The following SOS2 variants were observed in gnomAD, a reference collection of about 807,000 sequenced individuals.
SOS2 encodes the protein son of sevenless homolog 2.
A neutral mutation model predicts 148.2 loss-of-function variants in SOS2; 65 were observed. That is an observed-to-expected ratio of 0.44 (90% CI 0.36 to 0.54). The LOEUF (loss-of-function observed/expected upper bound fraction) is 0.54, where lower values mean the gene tolerates loss of function less well. Among genes scored for constraint, SOS2 ranks in the 20% least tolerant of loss-of-function variants. The pLI is 0.00. For missense variants in SOS2, 1,341 were observed against 1,590.2 expected (o/e 0.84, Z 2.67); for synonymous variants, 539 against 537.1 (o/e 1.00, Z -0.05).
chr14:50,184,680 A>G (rs1885850503), intron 5 of SOS2, among the ~76,000 whole-genome samples: 1 of 152,048 alleles, frequency 6.6e-6, no homozygotes, highest in Non-Finnish European at 1.5e-5. Context: ...CCTGGGAAAC[A>G]TGGCAAAACC....
Position 50,204,414 on chromosome 14 carries a change from A to AG in SOS2, c.88-6_88-5insC, listed in dbSNP as rs757394221. On this transcript the variant is annotated splice_region_variant and splice_polypyrimidine_tract_variant and intron_variant, in intron 1 of 22. Transcript: ENST00000216373. ...GGGATGCACTTGTTCCTGAACCTTT[A>AG]AAAAAAAGTTATCAGTTAAAGTAAT... 2.6e-6 allele frequency: 4 copies of AG among 1,536,408 alleles called. No individual in the cohort carries two copies. The highest frequency in any genetic ancestry group is 2.0e-5 in the Admixed American group (1 of 49,930).
intron 1 of SOS2, among the ~76,000 whole-genome samples, chr14:50,226,974 A>G (rs991645775): frequency 6.6e-6 from 1 of 152,134 alleles, no homozygotes; most frequent in Admixed American, 6.6e-5. Context: ...AGCTTCAATG[A>G]TCTTGGGGAG....
At position 50,127,378 on chromosome 14, in the gene SOS2, G is replaced by A. The variant is rs144785572; in HGVS notation, c.3379+2583C>T. Among the ~76,000 whole-genome samples, 878 of 152,246 alleles carry A rather than the reference G, an allele frequency of 5.8e-3. 11 individuals are homozygous for A. The highest frequency in any genetic ancestry group is 0.019 in the African/African-American group (787 of 41,526). On this transcript the variant is annotated intron_variant, in intron 21 of 22. Coordinates refer to ENST00000216373, the MANE Select transcript of SOS2 (RefSeq NM_006939.4). ...TCTGGTCTCAAACTCCTGACCTCAG[G>A]TGATCTGTCTGCCTCGGTCTCCCAA...
intron 4 of SOS2, among the ~76,000 whole-genome samples, chr14:50,199,060 G>A (rs1033754125): frequency 6.6e-6 from 1 of 152,192 alleles, no homozygotes; most frequent in African/African-American, 2.4e-5. Flanking sequence ...GGCTGAGATA[G>A]GAGGATCGCT....
chr14:50,200,865 C>A, intron 3 of SOS2, 88 bp downstream of exon 3: 1 of 1,250,470 alleles, frequency 8.0e-7, no homozygotes, highest in South Asian at 1.3e-5. Context: ...TAACACAGAC[C>A]ATGCTACATT....
In SOS2 at chr14:50,150,159, C is replaced by T. The variant is rs2139595351; in HGVS notation, c.2233G>A (p.Gly745Arg). 2.5e-6 allele frequency: 4 copies of T among 1,613,342 alleles called. No homozygotes were observed. Among genetic ancestry groups the T allele is most frequent in the Admixed American group, 3.3e-5 (2 of 60,018 alleles). ...TCAAAGGTAATATTATGGCTTACTC[C>T]GTTTGCCTGAGCTTGCTTCTTCCTC... ...IRRKKQAQANGVSHNITFESP... is the reference protein window; with the variant it reads ...IRRKKQAQANRVSHNITFESP... The change falls in exon 14 of 23, where the codon GGA becomes AGA. Residue 745 changes from glycine (G) to arginine (R), a missense_variant. Coordinates refer to ENST00000216373, the MANE Select transcript of SOS2 (RefSeq NM_006939.4).
chr14:50,192,459 T>C (rs926678514), intron 4 of SOS2, among the ~76,000 whole-genome samples: 3 of 149,204 alleles, frequency 2.0e-5, no homozygotes, highest in African/African-American at 5.0e-5. Context: ...AGGAGGCTGA[T>C]GTGGGAGAAT....
chr14:50,229,503 GAAA>G (rs5808545), intron 1 of SOS2, among the ~76,000 whole-genome samples: 3 of 139,468 alleles, frequency 2.2e-5, no homozygotes, highest in Non-Finnish European at 4.6e-5. Flanking sequence ...AGCCTAACTT[GAAA>G]AAAAAAAAAA....
rs1477987016 is a variant in SOS2, at chr14:50,224,897, A to AAAAAAAAG, written c.87+6299_87+6300insCTTTTTTT. ...CAAAACCCTGTCAAAAAAAAAAAAA[A>AAAAAAAAG]AGAGAGAGAGAGAGAAATAGTGTTT... On this transcript the variant is annotated intron_variant, in intron 1 of 22. Coordinates refer to ENST00000216373, the MANE Select transcript of SOS2 (RefSeq NM_006939.4). Among the ~76,000 whole-genome samples, 232 of 150,828 alleles carry AAAAAAAAG rather than the reference A, an allele frequency of 1.5e-3. 2 individuals carry two copies. Among genetic ancestry groups the AAAAAAAAG allele is most frequent in the African/African-American group, 2.6e-3 (108 of 41,120 alleles).
intron 1 of SOS2, among the ~76,000 whole-genome samples, chr14:50,215,671 C>G (rs2139835298): frequency 6.6e-6 from 1 of 152,238 alleles, no homozygotes; most frequent in East Asian, 1.9e-4. Context: ...CACATGTATA[C>G]ATATGTAACT....
chr14:50,215,390 A>G (rs1172292898), intron 1 of SOS2: 2 of 1,282,396 alleles, frequency 1.6e-6, no homozygotes, highest in Non-Finnish European at 2.0e-6. Flanking sequence ...ATGCTGTAAC[A>G]GGACATCAAG....
At chr14:50,164,601 A>G (rs188992362) in intron 8 of SOS2, among the ~76,000 whole-genome samples, 418 of 151,984 alleles carry the variant, frequency 2.8e-3, no homozygotes, top group Admixed American at 5.8e-3. Flanking sequence ...ACTGCACTCC[A>G]GCCTGGGTGA....
intron 21 of SOS2, among the ~76,000 whole-genome samples, chr14:50,126,050 A>G (rs774797214): frequency 5.3e-5 from 8 of 152,216 alleles, no homozygotes; most frequent in African/African-American, 1.4e-4. Flanking sequence ...CCACAAGTCA[A>G]TAAGTGCCAT....
At chr14:50,138,808 TAAAG>T in intron 17 of SOS2, 24 bp from the exon 18 acceptor site, 1 of 753,254 alleles carries the variant, frequency 1.3e-6, no homozygotes, top group African/African-American at 1.8e-5. Context: ...AAAAAGAATT[TAAAG>T]AAAAGTTATT....
intron 22 of SOS2, among the ~76,000 whole-genome samples, chr14:50,119,595 G>C (rs184959567): frequency 3.3e-5 from 5 of 151,674 alleles, no homozygotes; most frequent in Non-Finnish European, 7.4e-5. Flanking sequence ...GCAATGGTGC[G>C]ATCTTGGCTC....
chr14:50,211,053 G>T (rs939424802), intron 1 of SOS2, among the ~76,000 whole-genome samples: 2 of 148,804 alleles, frequency 1.3e-5, no homozygotes, highest in Admixed American at 6.7e-5. Context: ...ATATATTCAG[G>T]ATAGATTTAC....
At chr14:50,134,925 T>G (rs947412050) in intron 18 of SOS2, among the ~76,000 whole-genome samples, 6 of 151,404 alleles carry the variant, frequency 4.0e-5, no homozygotes, top group Non-Finnish European at 5.9e-5. Flanking sequence ...AATACAAAAT[T>G]AGCTGGGCGT....
chr14:50,210,064 A>T (rs753617672), intron 1 of SOS2, among the ~76,000 whole-genome samples: 1 of 152,242 alleles, frequency 6.6e-6, no homozygotes, highest in Non-Finnish European at 1.5e-5. Context: ...AATCAGTCAT[A>T]TATTCTTTTT....
intron 1 of SOS2, among the ~76,000 whole-genome samples, chr14:50,218,014 T>C (rs1056522202): frequency 2.6e-5 from 4 of 151,258 alleles, no homozygotes; most frequent in African/African-American, 4.9e-5. Context: ...AAAGATAGTA[T>C]AGGCCAGGTG....
Sources: gnomAD v4.1 joint callset for allele counts (sites outside exome capture counted in the v4.1 genomes callset) on GRCh38, gnomAD v4.1.1 for gene constraint, MANE v1.5 for transcripts, NCBI Gene and HGNC (gene_info 2026-07-23, HGNC 2026-07-21) for gene names.